The following SORBS3 variants were observed in gnomAD, a reference collection of about 807,000 sequenced individuals.
The protein encoded by SORBS3 is sorbin and SH3 domain containing 3, also known as vinexin.
In SORBS3, 69 loss-of-function variants were observed where a neutral mutation model predicts 98.0. That is an observed-to-expected ratio of 0.70 (90% CI 0.58 to 0.86). SORBS3 has a LOEUF of 0.86. Ranked by LOEUF, SORBS3 falls within the 40% of genes least tolerant of loss-of-function variation. The pLI is 0.00. For synonymous variants in SORBS3, 394 were observed against 355.4 expected, an observed-to-expected ratio of 1.11 and a Z score of -1.22; for missense variants, 954 against 908.5, an observed-to-expected ratio of 1.05 and a Z score of -0.64.
At chr8:22,549,671 G>C (rs1471297518), upstream of SORBS3, among the ~76,000 whole-genome samples, 73 of 152,320 alleles carry the variant, frequency 4.8e-4, no homozygotes, top group African/African-American at 1.6e-3. Context: ...CCAGGCCTAA[G>C]TAGACAGGCA....
In SORBS3 at chr8:22,571,742, C is replaced by T. The variant is rs758665856; in HGVS notation, c.1768C>T (p.Leu590=). 6.2e-7 allele frequency: 1 copy of T among 1,613,986 alleles called. No homozygotes were observed. Among genetic ancestry groups the T allele is most frequent in the Non-Finnish European group, 8.5e-7 (1 of 1,179,900 alleles). Residue 590 remains leucine (L), a synonymous_variant, in exon 19 of 21, where the codon CTG becomes TTG. Coordinates refer to ENST00000240123, the MANE Select transcript of SORBS3 (RefSeq NM_005775.5). ...TQNLGTPGPA[L]SHSRGPSHPL... ...GAATCTTGGCACCCCTGGTCCAGCT[C>T]TGTCCCACTCTCGAGGTCCCAGCCA...
At chr8:22,560,716 C>T (rs1334216031) in intron 5 of SORBS3, among the ~76,000 whole-genome samples, 1 of 152,010 alleles carries the variant, frequency 6.6e-6, no homozygotes, top group Non-Finnish European at 1.5e-5. Flanking sequence ...TCTTTATGGT[C>T]ACTGGTTACA....
At chr8:22,564,241 G>A (rs763066167) in intron 8 of SORBS3, 42 bp from the exon 9 acceptor site, 3 of 1,545,042 alleles carry the variant, frequency 1.9e-6, no homozygotes, top group South Asian at 2.3e-5. Flanking sequence ...CAGTGTCCCA[G>A]TAGCCCTCTT....
At chr8:22,570,437 C>T (rs1437009101) in intron 17 of SORBS3, among the ~76,000 whole-genome samples, 1 of 152,192 alleles carries the variant, frequency 6.6e-6, no homozygotes, top group Admixed American at 6.5e-5. Flanking sequence ...AGTGGTAGCA[C>T]CTGTCCAGTG....
Position 22,555,238 on chromosome 8 carries a change from G to A in SORBS3, c.220+258G>A, listed in dbSNP as rs565593141. Among the ~76,000 whole-genome samples, 10 of 152,316 alleles carry A rather than the reference G, an allele frequency of 6.6e-5. No homozygotes were observed. The South Asian group carries it at 8.3e-4, about 13-fold the overall frequency. On this transcript the variant is annotated intron_variant, in intron 3 of 20. Transcript: ENST00000240123. ...CAGCCTGGTGCCAGGGAAAGGAAGCGTGCAGGAGCCCTGGGCGCCGGAGGA... is the reference window on the plus strand; with the variant it reads ...CAGCCTGGTGCCAGGGAAAGGAAGCATGCAGGAGCCCTGGGCGCCGGAGGA...
At chr8:22,549,888 A>G, upstream of SORBS3, 1 of 695,064 alleles carries the variant, frequency 1.4e-6, no homozygotes, top group South Asian at 6.4e-5. Flanking sequence ...TACACTAAAT[A>G]TTTATCTTGG....
chr8:22,570,281 G>A (rs761374667), intron 17 of SORBS3, among the ~76,000 whole-genome samples: 5 of 152,216 alleles, frequency 3.3e-5, no homozygotes, highest in Non-Finnish European at 5.9e-5. Context: ...AAGGGCTGGA[G>A]GCCACCCTCC....
At chr8:22,569,380 G>A (rs112260796) in intron 17 of SORBS3, 107 bp downstream of exon 17, 8 of 1,029,798 alleles carry the variant, frequency 7.8e-6, no homozygotes, top group African/African-American at 6.7e-5. Context: ...TCACTCTATC[G>A]CCAGGCTGTA....
intron 17 of SORBS3, among the ~76,000 whole-genome samples, chr8:22,569,587 C>T (rs1328616441): frequency 1.3e-5 from 2 of 152,220 alleles, no homozygotes. Context: ...ATCCACCCGC[C>T]TCAGCCTCCT....
At chr8:22,557,272 C>T (rs557553918) in intron 4 of SORBS3, among the ~76,000 whole-genome samples, 1 of 152,128 alleles carries the variant, frequency 6.6e-6, no homozygotes, top group South Asian at 2.1e-4. Flanking sequence ...ACTGACCGGC[C>T]GAATGAGTGA....
chr8:22,566,224 G>C lies in SORBS3; in HGVS notation c.951-121G>C. ...ACATCCTGTGGAGAGCCCAGGACCC[G>C]GGAGACGCCCTGGGAGGAGGTGGCA... is the stretch of plus-strand genomic sequence containing the variant. On this transcript the variant is annotated intron_variant, in intron 12 of 20. Coordinates refer to ENST00000240123, the MANE Select transcript of SORBS3 (RefSeq NM_005775.5). The C allele has an allele frequency of 5.3e-6, 7 of 1,324,810 alleles. No individual in the cohort carries two copies. In the South Asian group the frequency reaches 7.3e-5, roughly 14 times the overall value. The allele number at this position is 1,324,810 out of a possible 1,614,324, so 82.1% of individuals were successfully genotyped here. A position where few individuals can be genotyped will look rare whatever the true frequency, so the allele number is the denominator to read the frequency against.
In SORBS3 at chr8:22,558,138, A is replaced by C. The variant is rs1300552938; in HGVS notation, c.424A>C (p.Arg142=). The change falls in exon 5 of 21, where the codon AGA becomes CGA. Residue 142 remains arginine, a synonymous_variant. Coordinates refer to ENST00000240123, the MANE Select transcript of SORBS3 (RefSeq NM_005775.5). ...CATTTTCTGATCCCAGAGCGTTGAC[A>C]GACCCAGAGACTGGTACCGGAGAAT... The part of the protein sequence containing the change: ...MPIAPRSSVD[R]PRDWYRRMFQ... The C allele has an allele frequency of 4.3e-6, 7 of 1,614,048 alleles. No individual in the cohort carries two copies. In the Admixed American group the frequency reaches 1.2e-4, roughly 27 times the overall value.
In SORBS3 at chr8:22,554,811, T is replaced by G; in HGVS notation, c.103-52T>G. 7.3e-5 allele frequency: 50 copies of G among 687,016 alleles called. No individual in the cohort carries two copies. Among genetic ancestry groups the G allele is most frequent in the Non-Finnish European group, 1.2e-4 (48 of 388,420 alleles). 42.6% of individuals were successfully genotyped at this position (687,016 alleles called of 1,614,324 possible). On this transcript the variant is annotated intron_variant, in intron 2 of 20. Coordinates refer to ENST00000240123, the MANE Select transcript of SORBS3 (RefSeq NM_005775.5). This position sits in a 1 kb window ranked among gnomAD's most constrained non-coding sequence, Gnocchi z 6.5. ...GTGGGCTGTGCCTAGTAGCCATCCCTCCCTCCCGCCCTGCTGGGCCCTGAG... is the reference window on the plus strand; with the variant it reads ...GTGGGCTGTGCCTAGTAGCCATCCCGCCCTCCCGCCCTGCTGGGCCCTGAG...
intron 17 of SORBS3, among the ~76,000 whole-genome samples, chr8:22,570,350 C>A (rs996820009): frequency 1.3e-5 from 2 of 152,150 alleles, no homozygotes; most frequent in South Asian, 2.1e-4. Flanking sequence ...CCCTGCCTGT[C>A]CTGGGGAGTG....
intron 20 of SORBS3, among the ~76,000 whole-genome samples, chr8:22,572,658 G>A (rs1771337181): frequency 6.6e-6 from 1 of 152,268 alleles, no homozygotes; most frequent in Non-Finnish European, 1.5e-5. Flanking sequence ...CCAAGGCCCA[G>A]GAGGAAACTG....
intron 17 of SORBS3, 43 bp downstream of exon 17, chr8:22,569,316 A>C: frequency 6.6e-7 from 1 of 1,510,828 alleles, no homozygotes; most frequent in Non-Finnish European, 8.9e-7. Flanking sequence ...GGGCAGGTGA[A>C]GATGTAGGTA....
At chr8:22,563,097 C>T (rs1030404740) in intron 7 of SORBS3, among the ~76,000 whole-genome samples, 2 of 151,034 alleles carry the variant, frequency 1.3e-5, no homozygotes, top group East Asian at 3.9e-4. Flanking sequence ...CCAGCCTGGG[C>T]GACAGAGCGA....
At chr8:22,563,931 C>A in intron 7 of SORBS3, 56 bp from the exon 8 acceptor site, 1 of 1,368,660 alleles carries the variant, frequency 7.3e-7, no homozygotes, top group Non-Finnish European at 1.0e-6. Flanking sequence ...TGTGTGCTGG[C>A]TTCTGCCTCA....
intron 11 of SORBS3, 167 bp from the exon 12 acceptor site, chr8:22,565,659 C>G: frequency 8.3e-7 from 1 of 1,204,554 alleles, no homozygotes; most frequent in Non-Finnish European, 1.0e-6. Flanking sequence ...CGCCCCTTCC[C>G]CTAGTTCCCG....
Sources: allele counts gnomAD v4.1 joint callset (sites outside exome capture counted in the v4.1 genomes callset), GRCh38; gene constraint gnomAD v4.1.1; non-coding constraint Gnocchi (gnomAD v3.1); transcripts MANE v1.5; gene names NCBI Gene and HGNC (gene_info 2026-07-23, HGNC 2026-07-21).